The following GPHN variants were observed in gnomAD, a reference collection of about 807,000 sequenced individuals.
GPHN encodes the protein gephyrin.
GPHN carries 17 observed loss-of-function variants against 95.5 expected under a neutral mutation model. That is an observed-to-expected ratio of 0.18 (90% CI 0.12 to 0.27). The LOEUF is 0.27. GPHN is among the 10% of genes least tolerant of loss of function. GPHN has a pLI of 1.00. For synonymous variants in GPHN, 320 were observed against 322.5 expected (o/e 0.99, Z 0.08); for missense variants, 660 against 978.1 (o/e 0.67, Z 4.34).
chr14:67,409,452 C>A, the GPHN span, among the ~76,000 whole-genome samples: 1 of 152,144 alleles, frequency 6.6e-6, no homozygotes, highest in Non-Finnish European at 1.5e-5. Flanking sequence ...AAGGATAGAG[C>A]CCTGCACATA....
chr14:67,692,394 T>G, the GPHN span: 1 of 1,601,380 alleles, frequency 6.2e-7, no homozygotes, highest in Non-Finnish European at 8.5e-7. Context: ...TCTGCCATGT[T>G]GACCTCAAGA....
the GPHN span, among the ~76,000 whole-genome samples, chr14:67,393,747 C>A: frequency 6.6e-6 from 1 of 152,224 alleles, no homozygotes; most frequent in East Asian, 1.9e-4. Context: ...AGCCACCGTG[C>A]CTGGCCTGAT....
chr14:66,580,420 G>GT (rs1165314573), intron 1 of GPHN, among the ~76,000 whole-genome samples: 1 of 151,480 alleles, frequency 6.6e-6, no homozygotes, highest in Non-Finnish European at 1.5e-5. Context: ...GCTAAGAGTT[G>GT]TTTTTTTAAA....
intron 6 of GPHN, among the ~76,000 whole-genome samples, chr14:66,916,500 TG>T (rs1450593283): frequency 6.8e-6 from 1 of 147,546 alleles, no homozygotes; most frequent in Non-Finnish European, 1.5e-5. Context: ...TTTTTTGGTT[TG>T]GTTTTTTTTT....
intron 17 of GPHN, among the ~76,000 whole-genome samples, chr14:67,123,711 A>G (rs2079135404): frequency 6.6e-6 from 1 of 152,120 alleles, no homozygotes; most frequent in Non-Finnish European, 1.5e-5. Flanking sequence ...AGCTTCTCCA[A>G]CCCGTGGCCC....
the GPHN span, among the ~76,000 whole-genome samples, chr14:67,693,510 T>TA: frequency 7.0e-6 from 1 of 142,714 alleles, no homozygotes. Context: ...TGGGACAAAA[T>TA]AAACAAGAAA....
intron 12 of GPHN, among the ~76,000 whole-genome samples, chr14:67,093,562 A>G (rs1039323524): frequency 6.6e-6 from 1 of 152,146 alleles, no homozygotes; most frequent in African/African-American, 2.4e-5. Flanking sequence ...ATGTGAATAG[A>G]TAAATAATTT....
At chr14:66,875,494 G>C (rs1212453201) in intron 4 of GPHN, among the ~76,000 whole-genome samples, 1 of 152,336 alleles carries the variant, frequency 6.6e-6, no homozygotes, top group South Asian at 2.1e-4. Flanking sequence ...CCATTGATGT[G>C]CTGTATTCAG....
chr14:67,715,783 G>A, the GPHN span, among the ~76,000 whole-genome samples: 1 of 152,194 alleles, frequency 6.6e-6, no homozygotes, highest in Non-Finnish European at 1.5e-5. Context: ...AGAGATTACT[G>A]TAAACTCAAC....
chr14:67,120,691 C>T (rs2078969913), intron 16 of GPHN, among the ~76,000 whole-genome samples: 1 of 152,192 alleles, frequency 6.6e-6, no homozygotes, highest in South Asian at 2.1e-4. Context: ...TAAAGAGCTG[C>T]AAGCCTTGCC....
chr14:66,729,708 TATG>T (rs1358011034), intron 2 of GPHN, among the ~76,000 whole-genome samples: 1 of 152,234 alleles, frequency 6.6e-6, no homozygotes, highest in Non-Finnish European at 1.5e-5. Context: ...TGTGGTTTAA[TATG>T]ATTCAATTTG....
At chr14:67,470,272 A>G in the GPHN span, 1 of 152,286 alleles carries the variant, frequency 6.6e-6, no homozygotes, top group Non-Finnish European at 1.5e-5. Context: ...CCAGTCCTGG[A>G]ACACAAACAC....
intron 1 of GPHN, among the ~76,000 whole-genome samples, chr14:66,516,316 C>T (rs7159063): frequency 0.24 from 36,068 of 151,854 alleles, 8,200 homozygotes; most frequent in African/African-American, 0.56. Context: ...CCGTGCCTGG[C>T]CAGCAATTAT....
At chr14:67,548,921 A>C in the GPHN span, among the ~76,000 whole-genome samples, 1 of 152,216 alleles carries the variant, frequency 6.6e-6, no homozygotes, top group Non-Finnish European at 1.5e-5. Context: ...CTGAGTGGAT[A>C]AATGGTTCTG....
chr14:67,627,515 T>C, the GPHN span, among the ~76,000 whole-genome samples: 2 of 152,104 alleles, frequency 1.3e-5, no homozygotes, highest in African/African-American at 4.8e-5. Flanking sequence ...TTTTGAACAG[T>C]GTCATATCTT....
At chr14:67,121,394 A>G (rs893037220) in intron 16 of GPHN, among the ~76,000 whole-genome samples, 1 of 152,186 alleles carries the variant, frequency 6.6e-6, no homozygotes, top group African/African-American at 2.4e-5. Context: ...TCATAAAGAA[A>G]GGAAAGAGAA....
chr14:67,615,383 T>C, the GPHN span: 69 of 159,904 alleles, frequency 4.3e-4, no homozygotes, highest in African/African-American at 1.6e-3. Context: ...AAAAATGAAT[T>C]ATAGGCAGTA....
intron 13 of GPHN, among the ~76,000 whole-genome samples, chr14:67,109,345 C>A (rs1190736484): frequency 1.3e-5 from 2 of 152,168 alleles, no homozygotes; most frequent in African/African-American, 2.4e-5. Flanking sequence ...CAGTCTAAAT[C>A]ATTGCCCCTG....
intron 11 of GPHN, among the ~76,000 whole-genome samples, chr14:67,071,374 A>G (rs1271095718): frequency 3.3e-5 from 5 of 152,074 alleles, no homozygotes; most frequent in South Asian, 4.2e-4. Context: ...TGAGCAAACT[A>G]TCGCAAGGAC....
Sources: allele counts gnomAD v4.1 joint callset (sites outside exome capture counted in the v4.1 genomes callset), GRCh38; gene constraint gnomAD v4.1.1; transcripts MANE v1.5; gene names NCBI Gene and HGNC (gene_info 2026-07-23, HGNC 2026-07-21).